Variants in CFAP54 observed in about 807,000 individuals in gnomAD.
CFAP54 encodes the protein cilia- and flagella-associated protein 54.
CFAP54 carries 290 observed loss-of-function variants against 370.4 expected under a neutral mutation model. That is an observed-to-expected ratio of 0.78 (90% CI 0.71 to 0.86). The LOEUF (loss-of-function observed/expected upper bound fraction) is 0.86, where lower values mean the gene tolerates loss of function less well. Among genes scored for constraint, CFAP54 ranks in the 40% least tolerant of loss-of-function variants. CFAP54 has a pLI of 0.00. For missense variants in CFAP54, 3,399 were observed against 3,528.7 expected, an observed-to-expected ratio of 0.96 and a Z score of 0.93; for synonymous variants, 1,206 against 1,236.5, an observed-to-expected ratio of 0.98 and a Z score of 0.52.
intron 67 of CFAP54, among the ~76,000 whole-genome samples, chr12:96,861,390 G>A (rs967560176): frequency 1.3e-5 from 2 of 152,106 alleles, no homozygotes; most frequent in East Asian, 1.9e-4. Context: ...GGCACAAGAC[G>A]GCTCCCACAA....
intron 26 of CFAP54, among the ~76,000 whole-genome samples, chr12:96,617,603 C>T (rs542564519): frequency 1.6e-4 from 25 of 152,318 alleles, no homozygotes; most frequent in Non-Finnish European, 3.2e-4. Context: ...ATCCAAAGCA[C>T]CCTTTTCTTT....
At chr12:96,811,635 T>C in intron 63 of CFAP54, 101 bp from the exon 64 acceptor site, 1 of 618,458 alleles carries the variant, frequency 1.6e-6, no homozygotes, top group Non-Finnish European at 2.6e-6. Context: ...ACAAATACTT[T>C]TCAAAGTACA....
chr12:96,677,535 G>A (rs1158126563), intron 39 of CFAP54, among the ~76,000 whole-genome samples: 1 of 152,126 alleles, frequency 6.6e-6, no homozygotes, highest in Non-Finnish European at 1.5e-5. Context: ...TGAGGAGTAG[G>A]AGGTCTGCCT....
Position 96,497,790 on chromosome 12 carries a change from G to A in CFAP54, c.318-3044G>A, listed in dbSNP as rs142897427. On this transcript the variant is annotated intron_variant, in intron 1 of 67. Transcript: ENST00000524981. ...TTAAATCAACAGAGTAATAAATTTC[G>A]TTACACTGTTGGCCTACCTGCATGT... 2.1e-4 allele frequency among the ~76,000 whole-genome samples: 32 copies of A among 152,252 alleles called. No homozygotes were observed. In the East Asian group the frequency reaches 5.2e-3, roughly 25 times the overall value.
At chr12:96,727,959 A>G (rs1362129761) in intron 50 of CFAP54, among the ~76,000 whole-genome samples, 1 of 151,722 alleles carries the variant, frequency 6.6e-6, no homozygotes, top group African/African-American at 2.4e-5. Flanking sequence ...TGGATATGAA[A>G]TTCTGGGTTG....
intron 66 of CFAP54, among the ~76,000 whole-genome samples, chr12:96,840,142 A>G (rs1959202685): frequency 6.6e-6 from 1 of 152,236 alleles, no homozygotes; most frequent in South Asian, 2.1e-4. Flanking sequence ...GCCATCTACC[A>G]TGACATCCAA....
chr12:96,614,426 T>C (rs934964106), intron 26 of CFAP54, among the ~76,000 whole-genome samples: 2 of 152,150 alleles, frequency 1.3e-5, no homozygotes, highest in East Asian at 3.9e-4. Flanking sequence ...GGGCAAAAAC[T>C]GGAAGCATTC....
At chr12:96,827,697 TATTATATTATATATAATTATATATA>T (rs1319784259) in intron 65 of CFAP54, among the ~76,000 whole-genome samples, 2 of 51,422 alleles carry the variant, frequency 3.9e-5, no homozygotes, top group Non-Finnish European at 4.2e-5. Context: ...CATAGTAATA[TATTATATTATATATAATTATATATA>T]ATTATATTTA....
At chr12:96,823,023 A>G (rs1959049985) in intron 65 of CFAP54, among the ~76,000 whole-genome samples, 2 of 152,152 alleles carry the variant, frequency 1.3e-5, no homozygotes, top group South Asian at 2.1e-4. Flanking sequence ...AGACAGGTAG[A>G]GTTGTAGAAT....
At chr12:96,561,704 TACACACACACACACACACACACACAC>T (rs56098924) in intron 17 of CFAP54, among the ~76,000 whole-genome samples, 1 of 125,338 alleles carries the variant, frequency 8.0e-6, no homozygotes, top group Non-Finnish European at 1.6e-5. Flanking sequence ...AGCTAAGAAA[TACACACACACACACACACACACACAC>T]ACACACACAC....
chr12:96,813,719 C>T (rs1183588810), intron 64 of CFAP54, among the ~76,000 whole-genome samples: 8 of 152,202 alleles, frequency 5.3e-5, no homozygotes, highest in Non-Finnish European at 1.2e-4. Context: ...CTACTTACAA[C>T]TGGGTCCTGC....
At chr12:96,682,309 G>C (rs1767184338) in intron 40 of CFAP54, 6 of 985,542 alleles carry the variant, frequency 6.1e-6, no homozygotes, top group Non-Finnish European at 7.2e-6. Context: ...ACTTGGACTT[G>C]TAATTTCTTC....
chr12:96,860,923 G>C lies in CFAP54; in HGVS notation c.9276G>C (p.Val3092=). ...GAGGAAGCCTTTTCAACTGGATAGTGTCAATTATTCCCTGAATATCCTATA... is the reference window on the plus strand; with the variant it reads ...GAGGAAGCCTTTTCAACTGGATAGTCTCAATTATTCCCTGAATATCCTATA... The part of the protein sequence containing the change: ...LSGGSLFNWI[V]SIIP The change falls in exon 67 of 68, where the codon GTG becomes GTC. Residue 3092 remains valine, a synonymous_variant. Coordinates refer to ENST00000524981, the MANE Select transcript of CFAP54 (RefSeq NM_001306084.2). 1 of 1,534,284 alleles carries C rather than the reference G, an allele frequency of 6.5e-7. No individual in the cohort carries two copies. Among genetic ancestry groups the C allele is most frequent in the East Asian group, 2.5e-5 (1 of 40,802 alleles).
intron 46 of CFAP54, 30 bp from the exon 47 acceptor site, chr12:96,704,713 T>C (rs761898126): frequency 9.3e-7 from 1 of 1,072,978 alleles, no homozygotes; most frequent in Non-Finnish European, 1.3e-6. Context: ...GTAATCTTGT[T>C]CTTGCTGTTA....
At chr12:96,623,597 G>A (rs1325387696) in intron 27 of CFAP54, among the ~76,000 whole-genome samples, 170 bp from the exon 28 acceptor site, 1 of 152,124 alleles carries the variant, frequency 6.6e-6, no homozygotes, top group Non-Finnish European at 1.5e-5. Context: ...CATTTAATTA[G>A]AGCACAATAA....
intron 67 of CFAP54, among the ~76,000 whole-genome samples, chr12:96,871,258 AT>A (rs1960157069): frequency 6.6e-6 from 1 of 152,204 alleles, no homozygotes; most frequent in African/African-American, 2.4e-5. Context: ...GGAGAGACAA[AT>A]TTTGTAATTC....
chr12:96,833,965 G>A (rs1959178379), intron 66 of CFAP54, among the ~76,000 whole-genome samples: 1 of 152,222 alleles, frequency 6.6e-6, no homozygotes, highest in South Asian at 2.1e-4. Context: ...TGATACATAG[G>A]AAAATTTAGC....
At chr12:96,701,770 T>TGAGGAGGAG (rs113973500) in intron 46 of CFAP54, among the ~76,000 whole-genome samples, 1 of 151,014 alleles carries the variant, frequency 6.6e-6, no homozygotes, top group African/African-American at 2.4e-5. Context: ...GAGGCTGCAA[T>TGAGGAGGAG]GAGGAGGAGG....
intron 19 of CFAP54, among the ~76,000 whole-genome samples, chr12:96,565,573 A>G (rs913085396): frequency 6.6e-6 from 1 of 152,162 alleles, no homozygotes; most frequent in Non-Finnish European, 1.5e-5. Context: ...AAAATTTAGC[A>G]TAATAGTATG....
Sources: gnomAD v4.1 joint callset for allele counts (sites outside exome capture counted in the v4.1 genomes callset) on GRCh38, gnomAD v4.1.1 for gene constraint, MANE v1.5 for transcripts, NCBI Gene and HGNC (gene_info 2026-07-23, HGNC 2026-07-21) for gene names.